The following FHIT variants were observed in gnomAD, a reference collection of about 807,000 sequenced individuals.
FHIT encodes fragile histidine triad diadenosine triphosphatase, also known as bis(5'-adenosyl)-triphosphatase.
In FHIT, 19 loss-of-function variants were observed where a neutral mutation model predicts 17.9. The ratio of observed to expected loss-of-function variants is 1.06; its 90% CI spans 0.74 to 1.56. The LOEUF is 1.56. FHIT is among the 40% of genes most tolerant of loss of function. The probability of loss-of-function intolerance (pLI) is 0.00; values close to 1 mark genes in which losing one functional copy is unlikely to be tolerated. For missense variants in FHIT, 248 were observed against 189.2 expected, an observed-to-expected ratio of 1.31 and a Z score of -1.82; for synonymous variants, 81 against 69.7, an observed-to-expected ratio of 1.16 and a Z score of -0.81.
chr3:60,228,896 G>A lies in FHIT; in HGVS notation c.104-214744C>T, dbSNP rs553421983. Among the ~76,000 whole-genome samples the A allele has an allele frequency of 4.6e-5, 7 of 152,174 alleles. No homozygotes were observed. The South Asian group carries it at 6.2e-4, about 14-fold the overall frequency. ...TCCCCACAATAGTTCTATAAAATACGTAGAACATTACTGATTTTAGAGATG... is the reference window on the plus strand; with the variant it reads ...TCCCCACAATAGTTCTATAAAATACATAGAACATTACTGATTTTAGAGATG... On this transcript the variant is annotated intron_variant, in intron 5 of 9. Coordinates refer to ENST00000492590, the MANE Select transcript of FHIT (RefSeq NM_002012.4).
intron 4 of FHIT, among the ~76,000 whole-genome samples, chr3:60,636,291 G>A (rs565075547): frequency 6.6e-6 from 1 of 151,998 alleles, no homozygotes; most frequent in Admixed American, 6.6e-5. Flanking sequence ...GGATGGTCTC[G>A]ATCTCTTGAC....
intron 2 of FHIT, among the ~76,000 whole-genome samples, chr3:61,046,624 A>G (rs1353866710): frequency 1.3e-5 from 2 of 152,170 alleles, no homozygotes; most frequent in Non-Finnish European, 1.5e-5. Context: ...AGAGGGAATC[A>G]TCCCTAACTC....
intron 4 of FHIT, among the ~76,000 whole-genome samples, chr3:60,538,579 G>A (rs2036070643): frequency 6.6e-6 from 1 of 152,098 alleles, no homozygotes; most frequent in Admixed American, 6.5e-5. Flanking sequence ...CATGGTACTG[G>A]TACCAAAACA....
At chr3:60,814,586 T>A (rs1411412825) in intron 4 of FHIT, among the ~76,000 whole-genome samples, 1 of 152,160 alleles carries the variant, frequency 6.6e-6, no homozygotes, top group Non-Finnish European at 1.5e-5. Flanking sequence ...ATGTACCAAA[T>A]TTTCTTTATC....
chr3:60,145,384 G>A lies in FHIT; in HGVS notation c.104-131232C>T, dbSNP rs73097540. 4.4e-3 allele frequency among the ~76,000 whole-genome samples: 676 copies of A among 152,194 alleles called. 1 individual carries two copies. The highest frequency in any genetic ancestry group is 6.8e-3 in the Middle Eastern group (2 of 294). ...TATTCTACTGATTTTCTACAGTGGC[G>A]TGGGGGGCACATAATAGCCAGCAAC... On this transcript the variant is annotated intron_variant, in intron 5 of 9. Transcript: ENST00000492590.
intron 5 of FHIT, among the ~76,000 whole-genome samples, chr3:60,214,964 A>C (rs1703631421): frequency 6.6e-6 from 1 of 152,084 alleles, no homozygotes; most frequent in African/African-American, 2.4e-5. Context: ...GGAGCTAAAC[A>C]TTGAATACAT....
chr3:60,110,614 C>A (rs1379387930), intron 5 of FHIT, among the ~76,000 whole-genome samples: 1 of 152,140 alleles, frequency 6.6e-6, no homozygotes, highest in Non-Finnish European at 1.5e-5. Context: ...CTCCGAGCCT[C>A]AGTTTCTTAA....
chr3:60,457,823 C>G (rs553603001), intron 5 of FHIT, among the ~76,000 whole-genome samples: 1 of 151,748 alleles, frequency 6.6e-6, no homozygotes, highest in African/African-American at 2.4e-5. Context: ...CCAAAAGACA[C>G]GTGAAAAAAC....
chr3:61,034,208 T>C (rs530350961), intron 3 of FHIT, among the ~76,000 whole-genome samples: 1 of 152,196 alleles, frequency 6.6e-6, no homozygotes, highest in South Asian at 2.1e-4. Flanking sequence ...CATTTGGCAA[T>C]GAATTCTTAT....
At chr3:60,647,868 C>A (rs1306959138) in intron 4 of FHIT, among the ~76,000 whole-genome samples, 1 of 152,034 alleles carries the variant, frequency 6.6e-6, no homozygotes, top group African/African-American at 2.4e-5. Flanking sequence ...TTGTCATACA[C>A]CAAGAAAGCA....
intron 4 of FHIT, among the ~76,000 whole-genome samples, chr3:60,646,506 CA>C (rs2039861322): frequency 1.3e-5 from 2 of 152,148 alleles, no homozygotes; most frequent in South Asian, 4.1e-4. Context: ...TTTTCAGATT[CA>C]ATTTCATACA....
At chr3:60,960,748 C>A (rs1709385830) in intron 3 of FHIT, among the ~76,000 whole-genome samples, 1 of 152,206 alleles carries the variant, frequency 6.6e-6, no homozygotes, top group Admixed American at 6.5e-5. Context: ...CATGTCCCTA[C>A]AAAGGACATG....
rs571867430 is a variant in FHIT at position 59,858,679 on chromosome 3, G to A, written c.348+63667C>T. Among the ~76,000 whole-genome samples the A allele has an allele frequency of 2.0e-5, 3 of 152,180 alleles. No homozygotes were observed. The South Asian group carries it at 6.2e-4, about 32-fold the overall frequency. On this transcript the variant is annotated intron_variant, in intron 8 of 9. Transcript: ENST00000492590. ...GTGCTGCATGGATGGGGGCAGTGGT[G>A]TTTCTAGTGTGTGAGGAAGCAGAGC...
At chr3:61,045,178 A>G (rs935375282) in intron 2 of FHIT, among the ~76,000 whole-genome samples, 1 of 152,212 alleles carries the variant, frequency 6.6e-6, no homozygotes. Flanking sequence ...ATTAAAAGAC[A>G]CAGACTGGCA....
intron 5 of FHIT, among the ~76,000 whole-genome samples, chr3:60,439,455 A>G (rs2030592569): frequency 6.6e-6 from 1 of 152,074 alleles, no homozygotes; most frequent in Non-Finnish European, 1.5e-5. Flanking sequence ...AAGATTCTCT[A>G]GCAACACAAG....
intron 7 of FHIT, among the ~76,000 whole-genome samples, chr3:59,982,880 T>C (rs1034545978): frequency 2.6e-5 from 4 of 152,150 alleles, no homozygotes; most frequent in Non-Finnish European, 4.4e-5. Flanking sequence ...TCCAAAGTTT[T>C]CTATTTGTAA....
chr3:59,908,824 T>C lies in FHIT; in HGVS notation c.348+13522A>G, dbSNP rs558924834. On this transcript the variant is annotated intron_variant, in intron 8 of 9. Coordinates refer to ENST00000492590, the MANE Select transcript of FHIT (RefSeq NM_002012.4). The stretch of plus-strand genomic sequence containing the variant: ...TCACAGCCAGAAATTCAACTGAACT[T>C]TGGGAGTCAAGAACATTTCATTTTT... Among the ~76,000 whole-genome samples, 4 of 35,128 alleles carry C rather than the reference T, an allele frequency of 1.1e-4. No individual in the cohort carries two copies. In the South Asian group the frequency reaches 2.9e-3, roughly 25 times the overall value. The allele number at this position is 35,128 out of a possible 152,430, so 23.0% of individuals were successfully genotyped here.
chr3:59,977,678 T>C (rs552549161), intron 7 of FHIT, among the ~76,000 whole-genome samples: 16 of 152,296 alleles, frequency 1.1e-4, no homozygotes, highest in African/African-American at 3.6e-4. Context: ...AAACTATTCC[T>C]GTCCATAGTT....
intron 3 of FHIT, among the ~76,000 whole-genome samples, chr3:61,016,877 T>C (rs1405244876): frequency 6.6e-6 from 1 of 152,168 alleles, no homozygotes; most frequent in Admixed American, 6.5e-5. Context: ...CAGACAGAAA[T>C]AACAAAATGG....
Sources: allele counts gnomAD v4.1 joint callset (sites outside exome capture counted in the v4.1 genomes callset), GRCh38; gene constraint gnomAD v4.1.1; transcripts MANE v1.5; gene names NCBI Gene and HGNC (gene_info 2026-07-23, HGNC 2026-07-21).